The following RAPGEF4 variants were observed in gnomAD, a reference collection of about 807,000 sequenced individuals.
The protein encoded by RAPGEF4 is Rap guanine nucleotide exchange factor 4, also known as RAP guanine-nucleotide-exchange factor (GEF) 4.
Under a neutral mutation model 147.9 loss-of-function variants are expected in RAPGEF4, and 66 were observed. That is an observed-to-expected ratio of 0.45 (90% CI 0.37 to 0.55). RAPGEF4 has a LOEUF of 0.55. Among genes scored for constraint, RAPGEF4 ranks in the 20% least tolerant of loss-of-function variants. The pLI, the probability that RAPGEF4 is intolerant of heterozygous loss-of-function variation, is 0.00. For synonymous variants in RAPGEF4, 419 were observed against 442.7 expected, an observed-to-expected ratio of 0.95 and a Z score of 0.67; for missense variants, 1,071 against 1,257.3, an observed-to-expected ratio of 0.85 and a Z score of 2.24.
chr2:172,736,358 A>G (rs1349274502), intron 1 of RAPGEF4, among the ~76,000 whole-genome samples: 3 of 151,760 alleles, frequency 2.0e-5, no homozygotes, highest in Non-Finnish European at 4.4e-5. Context: ...GTGGGGGTTT[A>G]TTTTCTCTTG....
chr2:172,737,925 A>G (rs891796306), intron 1 of RAPGEF4, among the ~76,000 whole-genome samples: 6 of 152,196 alleles, frequency 3.9e-5, no homozygotes, highest in African/African-American at 1.2e-4. Context: ...ATAGTTTGAA[A>G]ACTGTGAGTG....
intron 4 of RAPGEF4, among the ~76,000 whole-genome samples, chr2:172,864,873 C>G (rs1470385527): frequency 6.6e-6 from 1 of 152,252 alleles, no homozygotes; most frequent in South Asian, 2.1e-4. Flanking sequence ...CCACTGTACT[C>G]TAGCCTGGGC....
chr2:172,807,823 C>T (rs1052859482), intron 3 of RAPGEF4, among the ~76,000 whole-genome samples: 11 of 152,072 alleles, frequency 7.2e-5, no homozygotes, highest in African/African-American at 2.7e-4. Context: ...ATTATTTTTC[C>T]CTTGGTGTTA....
At position 173,030,145 on chromosome 2, in the gene RAPGEF4, CG is replaced by C; in HGVS notation, c.2559-18del. 1 of 1,532,512 alleles carries C rather than the reference CG, an allele frequency of 6.5e-7. No homozygotes were observed. Among genetic ancestry groups the C allele is most frequent in the Non-Finnish European group, 9.0e-7 (1 of 1,106,320 alleles). The allele number at this position is 1,532,512 out of a possible 1,614,324, so 94.9% of individuals were successfully genotyped here. ...ACAGAAGTAACATTTTACTCAAACA[CG>C]CATCTCCTGTGTTTCAGCTGTAAGG... On this transcript the variant is annotated intron_variant, in intron 25 of 30. Coordinates refer to ENST00000397081, the MANE Select transcript of RAPGEF4 (RefSeq NM_007023.4).
At chr2:172,859,145 AT>A (rs1371528098) in intron 4 of RAPGEF4, among the ~76,000 whole-genome samples, 1 of 152,236 alleles carries the variant, frequency 6.6e-6, no homozygotes, top group East Asian at 1.9e-4. Context: ...ATGATCATGT[AT>A]TCCCTTAACA....
intron 6 of RAPGEF4, among the ~76,000 whole-genome samples, chr2:172,927,540 G>A (rs867062321): frequency 1.3e-5 from 2 of 152,028 alleles, no homozygotes; most frequent in Admixed American, 6.6e-5. Context: ...AGAGGCTGAG[G>A]CAAAAGGATT....
chr2:172,959,910 C>T (rs188555320), intron 6 of RAPGEF4, among the ~76,000 whole-genome samples: 1 of 152,054 alleles, frequency 6.6e-6, no homozygotes, highest in Non-Finnish European at 1.5e-5. Context: ...GGCAACATAT[C>T]GAGACCTCAT....
At chr2:172,857,049 T>C (rs1693491318) in intron 4 of RAPGEF4, among the ~76,000 whole-genome samples, 1 of 149,374 alleles carries the variant, frequency 6.7e-6, no homozygotes, top group Admixed American at 6.9e-5. Context: ...TTTTAAATAT[T>C]TTATCCAGGA....
At chr2:172,843,990 A>C (rs1012761704) in intron 4 of RAPGEF4, among the ~76,000 whole-genome samples, 15 of 152,206 alleles carry the variant, frequency 9.9e-5, no homozygotes, top group African/African-American at 3.6e-4. Context: ...TTTGCCGTTA[A>C]ATTGCAAATC....
intron 4 of RAPGEF4, among the ~76,000 whole-genome samples, chr2:172,882,834 A>T (rs2149861460): frequency 6.6e-6 from 1 of 152,236 alleles, no homozygotes; most frequent in African/African-American, 2.4e-5. Flanking sequence ...CACCATTATC[A>T]CCATCCTAAC....
At chr2:172,943,819 G>T (rs1056033723) in intron 6 of RAPGEF4, among the ~76,000 whole-genome samples, 1 of 147,574 alleles carries the variant, frequency 6.8e-6, no homozygotes, top group African/African-American at 2.7e-5. Flanking sequence ...CATCCTCTCA[G>T]AGTTTTCTCT....
At chr2:172,738,709 G>T (rs1365576669) in intron 1 of RAPGEF4, among the ~76,000 whole-genome samples, 1 of 152,092 alleles carries the variant, frequency 6.6e-6, no homozygotes, top group African/African-American at 2.4e-5. Flanking sequence ...AACCCATGTG[G>T]GTTCACTTGG....
At chr2:172,981,470 T>C (rs1409791574) in intron 10 of RAPGEF4, among the ~76,000 whole-genome samples, 1 of 152,216 alleles carries the variant, frequency 6.6e-6, no homozygotes, top group Non-Finnish European at 1.5e-5. Flanking sequence ...CAGCTTTTCT[T>C]CAGCATCTTT....
chr2:172,891,055 T>C (rs559382307), intron 4 of RAPGEF4, among the ~76,000 whole-genome samples: 148 of 152,196 alleles, frequency 9.7e-4, no homozygotes, highest in Middle Eastern at 6.8e-3. Context: ...CGCTTGAACC[T>C]GGGAGGTGGA....
At chr2:172,920,385 A>G (rs74943620) in intron 5 of RAPGEF4, among the ~76,000 whole-genome samples, 7,672 of 152,192 alleles carry the variant, frequency 0.05, 653 homozygotes, top group African/African-American at 0.17. Context: ...TCCGCCACCC[A>G]ATCCATATTC....
At chr2:172,915,946 A>T (rs1684029618) in intron 4 of RAPGEF4, among the ~76,000 whole-genome samples, 1 of 152,168 alleles carries the variant, frequency 6.6e-6, no homozygotes, top group Non-Finnish European at 1.5e-5. Flanking sequence ...AAGAAAATGG[A>T]CATTTCACAA....
chr2:172,818,949 A>T (rs1252270393), intron 4 of RAPGEF4, among the ~76,000 whole-genome samples: 2 of 152,202 alleles, frequency 1.3e-5, no homozygotes, highest in Non-Finnish European at 2.9e-5. Flanking sequence ...TGTAAGTCAT[A>T]TAGGCAACAC....
At chr2:173,044,072 C>A (rs182065359) in intron 29 of RAPGEF4, among the ~76,000 whole-genome samples, 2 of 152,140 alleles carry the variant, frequency 1.3e-5, no homozygotes, top group African/African-American at 4.8e-5. Flanking sequence ...GACCGAGCAG[C>A]GCTGTCTTAT....
At chr2:172,928,606 G>A (rs1383872369) in intron 6 of RAPGEF4, among the ~76,000 whole-genome samples, 1 of 152,078 alleles carries the variant, frequency 6.6e-6, no homozygotes, top group Non-Finnish European at 1.5e-5. Flanking sequence ...TTTGGTGATT[G>A]TTTTAATATT....
Sources: allele counts gnomAD v4.1 joint callset (sites outside exome capture counted in the v4.1 genomes callset), GRCh38; gene constraint gnomAD v4.1.1; transcripts MANE v1.5; gene names NCBI Gene and HGNC (gene_info 2026-07-23, HGNC 2026-07-21).